The following POLN variants were observed in gnomAD, a reference collection of about 807,000 sequenced individuals.
POLN encodes DNA polymerase nu, also known as DNA polymerase N.
POLN carries 108 observed loss-of-function variants against 113.5 expected under a neutral mutation model. The ratio of observed to expected loss-of-function variants is 0.95; its 90% CI spans 0.81 to 1.12. The LOEUF is 1.12. POLN is among the 50% of genes most tolerant of loss of function. POLN has a pLI of 0.00. For missense variants in POLN, 1,097 were observed against 1,077.1 expected, an observed-to-expected ratio of 1.02 and a Z score of -0.26; for synonymous variants, 386 against 391.5, an observed-to-expected ratio of 0.99 and a Z score of 0.17.
chr4:2,128,631 G>A (rs1731644464), intron 18 of POLN, among the ~76,000 whole-genome samples: 1 of 151,748 alleles, frequency 6.6e-6, no homozygotes, highest in African/African-American at 2.4e-5. Flanking sequence ...GAGGAGTAGG[G>A]TCCGGCAAGG....
chr4:2,242,086 C>A lies in POLN; in HGVS notation c.-319G>T, dbSNP rs1188345552. The A allele has an allele frequency of 9.1e-6, 9 of 985,772 alleles. No individual in the cohort carries two copies. The highest frequency in any genetic ancestry group is 1.1e-5 in the Non-Finnish European group (9 of 830,278). The allele number at this position is 985,772 out of a possible 1,614,324, so 61.1% of individuals were successfully genotyped here. A position where few individuals can be genotyped will look rare whatever the true frequency, so the allele number is the denominator to read the frequency against. ...TCCGCTTGCTTCTCGCAGGAGCCCG[C>A]CGCCACCGCCCTCCGTGCCCCGCGC... On this transcript the variant is annotated 5_prime_UTR_variant, in exon 1 of 26. Coordinates refer to ENST00000511885, the MANE Select transcript of POLN (RefSeq NM_181808.4).
intron 9 of POLN, among the ~76,000 whole-genome samples, chr4:2,175,900 C>T (rs1732982827): frequency 1.3e-5 from 2 of 152,204 alleles, no homozygotes; most frequent in Non-Finnish European, 2.9e-5. Flanking sequence ...CTCAGCTCTT[C>T]TTGGTGGCTC....
intron 15 of POLN, among the ~76,000 whole-genome samples, chr4:2,157,062 CT>C (rs1446786546): frequency 3.3e-5 from 5 of 152,196 alleles, no homozygotes; most frequent in Admixed American, 3.3e-4. Flanking sequence ...AGGTTTCCCC[CT>C]AACCCATGTA....
At chr4:2,239,105 T>C (rs765121451) in intron 2 of POLN, 1 of 862,326 alleles carries the variant, frequency 1.2e-6, no homozygotes, top group Non-Finnish European at 1.7e-6. Context: ...CATCTTAAGA[T>C]TATTTTCACT....
intron 16 of POLN, among the ~76,000 whole-genome samples, chr4:2,155,970 G>A (rs1438526176): frequency 6.6e-6 from 1 of 151,974 alleles, no homozygotes; most frequent in Non-Finnish European, 1.5e-5. Flanking sequence ...TAGTACCTGA[G>A]ACTACAGGCA....
intron 16 of POLN, among the ~76,000 whole-genome samples, chr4:2,143,427 G>A (rs552527912): frequency 5.3e-5 from 8 of 152,172 alleles, no homozygotes; most frequent in South Asian, 2.1e-4. Context: ...TCACACGCAC[G>A]TAAATTTCAC....
At chr4:2,145,101 C>T (rs961069892) in intron 16 of POLN, among the ~76,000 whole-genome samples, 3 of 151,910 alleles carry the variant, frequency 2.0e-5, no homozygotes, top group Admixed American at 6.6e-5. Context: ...ATAATCAGAT[C>T]GCTACCTTAG....
chr4:2,133,635 C>A (rs1731782878), intron 16 of POLN, among the ~76,000 whole-genome samples: 1 of 152,128 alleles, frequency 6.6e-6, no homozygotes. Flanking sequence ...TCACCTGTAC[C>A]CCTGTGGAAA....
chr4:2,150,511 C>A (rs141650811), intron 16 of POLN, among the ~76,000 whole-genome samples: 1 of 152,106 alleles, frequency 6.6e-6, no homozygotes, highest in East Asian at 1.9e-4. Flanking sequence ...ATGCAAAAGA[C>A]CAAAGACCCA....
intron 21 of POLN, among the ~76,000 whole-genome samples, chr4:2,083,178 G>A (rs924419218): frequency 3.3e-5 from 5 of 152,104 alleles, no homozygotes; most frequent in African/African-American, 7.2e-5. Context: ...AGACACAAGG[G>A]GGAACTCCTT....
At chr4:2,159,348 C>T in intron 13 of POLN, 137 bp from the exon 14 acceptor site, 1 of 693,706 alleles carries the variant, frequency 1.4e-6, no homozygotes, top group Non-Finnish European at 2.4e-6. Flanking sequence ...ATAATAAACT[C>T]AAGTTTATCA....
intron 16 of POLN, among the ~76,000 whole-genome samples, chr4:2,135,981 A>G (rs994522955): frequency 1.3e-5 from 2 of 152,216 alleles, no homozygotes; most frequent in Non-Finnish European, 2.9e-5. Flanking sequence ...GCAAATGGTG[A>G]TATCTGAATG....
Position 2,241,593 on chromosome 4 carries a change from G to A in POLN, c.-86C>T, listed in dbSNP as rs1734990589. The A allele has an allele frequency of 2.2e-5, 22 of 985,584 alleles. No individual in the cohort carries two copies. The highest frequency in any genetic ancestry group is 2.5e-5 in the Non-Finnish European group (21 of 830,148). The allele number at this position is 985,584 out of a possible 1,614,324, so 61.1% of individuals were successfully genotyped here. ...ACGCGGAGAACAGCAGGAGCAGCAG[G>A]GAAGCGCGCGGCCACAATTAAGGGT... On this transcript the variant is annotated 5_prime_UTR_variant, in exon 2 of 26. Coordinates refer to ENST00000511885, the MANE Select transcript of POLN (RefSeq NM_181808.4).
At chr4:2,178,332 G>C (rs12646698) in intron 8 of POLN, among the ~76,000 whole-genome samples, 37,356 of 152,048 alleles carry the variant, frequency 0.25, 7,053 homozygotes, top group African/African-American at 0.51. Flanking sequence ...TTGCTTTGCT[G>C]TGATTGCTTG....
chr4:2,172,428 C>T (rs1253672464), intron 11 of POLN, among the ~76,000 whole-genome samples: 4 of 152,282 alleles, frequency 2.6e-5, no homozygotes, highest in East Asian at 1.9e-4. Context: ...ACTGTGTATT[C>T]GCCCTTAGCT....
chr4:2,073,510 T>C (rs1730202445), intron 24 of POLN, among the ~76,000 whole-genome samples: 1 of 152,190 alleles, frequency 6.6e-6, no homozygotes, highest in African/African-American at 2.4e-5. Flanking sequence ...TACTGCCCGG[T>C]GAAGTTTGAG....
chr4:2,078,665 A>G (rs1730333837), intron 23 of POLN: 1 of 985,280 alleles, frequency 1.0e-6, no homozygotes. Context: ...AGCCTTTCAC[A>G]TTACTCCTGG....
At chr4:2,081,203 T>C in intron 22 of POLN, 167 bp from the exon 23 acceptor site, 1 of 1,571,968 alleles carries the variant, frequency 6.4e-7, no homozygotes, top group Non-Finnish European at 8.6e-7. Flanking sequence ...CACTTCGTCC[T>C]TGCTCCTCCC....
chr4:2,216,294 C>T (rs1160757988), intron 3 of POLN, among the ~76,000 whole-genome samples: 2 of 152,164 alleles, frequency 1.3e-5, no homozygotes, highest in East Asian at 1.9e-4. Context: ...CCTTAAGAAC[C>T]CAGAGGAGTG....
Sources: gnomAD v4.1 joint callset for allele counts (sites outside exome capture counted in the v4.1 genomes callset) on GRCh38, gnomAD v4.1.1 for gene constraint, MANE v1.5 for transcripts, NCBI Gene and HGNC (gene_info 2026-07-23, HGNC 2026-07-21) for gene names.